MOB3B: variants seen among roughly 807,000 people sequenced by gnomAD.
MOB3B encodes the protein MOB kinase activator-like 2B.
Under a neutral mutation model 18.7 loss-of-function variants are expected in MOB3B, and 7 were observed. The ratio of observed to expected loss-of-function variants is 0.37; its 90% CI spans 0.21 to 0.70. The LOEUF is 0.70. MOB3B is among the 30% of genes least tolerant of loss of function. MOB3B has a pLI of 0.52. For missense variants in MOB3B, 253 were observed against 281.3 expected (o/e 0.90, Z 0.72); for synonymous variants, 111 against 99.9 (o/e 1.11, Z -0.66).
At chr9:27,341,533 T>G (rs1005581665) in intron 3 of MOB3B, among the ~76,000 whole-genome samples, 2 of 152,230 alleles carry the variant, frequency 1.3e-5, no homozygotes, top group Non-Finnish European at 2.9e-5. Context: ...GTTATTTTGA[T>G]GGAGTAAATA....
intron 1 of MOB3B, among the ~76,000 whole-genome samples, chr9:27,465,470 C>T (rs1207464281): frequency 6.6e-6 from 1 of 152,170 alleles, no homozygotes; most frequent in African/African-American, 2.4e-5. Context: ...GTGGCTTTTC[C>T]AGGTGCACAG....
intron 2 of MOB3B, among the ~76,000 whole-genome samples, chr9:27,426,666 T>G (rs1255021682): frequency 6.6e-6 from 1 of 152,154 alleles, no homozygotes; most frequent in East Asian, 1.9e-4. Context: ...AATCTCAGAA[T>G]AATACATGAC....
chr9:27,380,430 G>T (rs981117537), intron 2 of MOB3B, among the ~76,000 whole-genome samples: 1 of 151,928 alleles, frequency 6.6e-6, no homozygotes, highest in African/African-American at 2.4e-5. Flanking sequence ...GTAGAGACAG[G>T]TTTTCACCAT....
intron 1 of MOB3B, among the ~76,000 whole-genome samples, chr9:27,457,066 G>T (rs1450410593): frequency 6.6e-6 from 1 of 152,184 alleles, no homozygotes; most frequent in Admixed American, 6.5e-5. Context: ...TGCCTAACAA[G>T]ATCCCATAGC....
chr9:27,524,913 T>C lies in MOB3B; in HGVS notation c.-199+4642A>G, dbSNP rs564573513. On this transcript the variant is annotated intron_variant, in intron 1 of 3. Transcript: ENST00000262244. ...GATTGTCCGAGTGGAAATCAGAAGA[T>C]GTTTGTATTACTTTTACAAATTTAC... The C allele has an allele frequency of 1.2e-5, 20 of 1,609,522 alleles. No individual in the cohort carries two copies. The South Asian group carries it at 2.2e-4, about 18-fold the overall frequency.
At chr9:27,500,217 G>A (rs977931502) in intron 1 of MOB3B, among the ~76,000 whole-genome samples, 4 of 152,006 alleles carry the variant, frequency 2.6e-5, no homozygotes, top group African/African-American at 9.7e-5. Context: ...CCCTGTGCTG[G>A]GTTGGGGGGT....
intron 1 of MOB3B, among the ~76,000 whole-genome samples, chr9:27,529,000 A>G (rs1005543997): frequency 6.6e-6 from 1 of 152,128 alleles, no homozygotes; most frequent in South Asian, 2.1e-4. Flanking sequence ...CGGCCTTTAC[A>G]CGCTCCCCAC....
At chr9:27,350,235 C>CA (rs34779449) in intron 3 of MOB3B, among the ~76,000 whole-genome samples, 3,770 of 66,754 alleles carry the variant, frequency 0.056, 160 homozygotes, top group African/African-American at 0.15. Context: ...AAGTATATAC[C>CA]AAAAAAAAAA....
Position 27,455,503 on chromosome 9 carries a change from T to C in MOB3B, c.48A>G (p.Arg16=), listed in dbSNP as rs2131449829. 6.2e-7 allele frequency: 1 copy of C among 1,614,190 alleles called. No homozygotes were observed. The highest frequency in any genetic ancestry group is 8.5e-7 in the Non-Finnish European group (1 of 1,180,032). ...KQVFNKDKTF[R]PKRKFEPGTQ... Reference sequence around the variant, plus strand: ...TGCCAGGTTCAAATTTCCTCTTGGGTCGGAAGGTCTTGTCCTTGTTGAATA... The same window carrying C: ...TGCCAGGTTCAAATTTCCTCTTGGGCCGGAAGGTCTTGTCCTTGTTGAATA... Residue 16 remains arginine (R), a synonymous_variant, in exon 2 of 4, where the codon CGA becomes CGG. Coordinates refer to ENST00000262244, the MANE Select transcript of MOB3B (RefSeq NM_024761.5).
chr9:27,364,783 T>C (rs1451990806), intron 2 of MOB3B, among the ~76,000 whole-genome samples: 2 of 151,356 alleles, frequency 1.3e-5, no homozygotes, highest in African/African-American at 2.4e-5. Flanking sequence ...CTATTGTGAA[T>C]TGTTAGTTTT....
At chr9:27,420,728 G>A (rs1419478837) in intron 2 of MOB3B, among the ~76,000 whole-genome samples, 1 of 151,278 alleles carries the variant, frequency 6.6e-6, no homozygotes, top group African/African-American at 2.4e-5. Context: ...TCACTGATAT[G>A]TGGGAGCTAA....
chr9:27,444,491 T>C (rs79784893), intron 2 of MOB3B, among the ~76,000 whole-genome samples: 5,279 of 152,282 alleles, frequency 0.035, 296 homozygotes, highest in African/African-American at 0.12. Flanking sequence ...GGTACATATA[T>C]GAAAAAGTGG....
chr9:27,494,458 A>C (rs113286538), intron 1 of MOB3B, among the ~76,000 whole-genome samples: 4,855 of 152,194 alleles, frequency 0.032, 104 homozygotes, highest in Middle Eastern at 0.065. Context: ...CCCAGCTTTA[A>C]AATTTCTCTC....
chr9:27,471,147 G>A (rs1819465526), intron 1 of MOB3B, among the ~76,000 whole-genome samples: 1 of 152,120 alleles, frequency 6.6e-6, no homozygotes. Context: ...CCCCTCACCA[G>A]TGGATGTGTG....
chr9:27,471,914 G>A (rs991404265), intron 1 of MOB3B, among the ~76,000 whole-genome samples: 6 of 152,152 alleles, frequency 3.9e-5, no homozygotes, highest in African/African-American at 1.4e-4. Context: ...GTGAAGAGAG[G>A]TTAGCAGCGG....
chr9:27,397,477 TA>T (rs1390565137), intron 2 of MOB3B: 3 of 152,328 alleles, frequency 2.0e-5, no homozygotes, highest in African/African-American at 7.2e-5. Context: ...TACAGGGGAA[TA>T]AACCAATAAT....
At chr9:27,406,065 C>T (rs1375932476) in intron 2 of MOB3B, among the ~76,000 whole-genome samples, 2 of 152,116 alleles carry the variant, frequency 1.3e-5, no homozygotes, top group Non-Finnish European at 2.9e-5. Context: ...TACTGGAAGT[C>T]CTAGCCAGAA....
At chr9:27,509,282 G>C (rs1466406473) in intron 1 of MOB3B, among the ~76,000 whole-genome samples, 1 of 152,082 alleles carries the variant, frequency 6.6e-6, no homozygotes, top group Non-Finnish European at 1.5e-5. Flanking sequence ...GGAAGGAAGG[G>C]AGGAAGGAAG....
chr9:27,452,819 T>C (rs1999285), intron 2 of MOB3B, among the ~76,000 whole-genome samples: 91,646 of 152,006 alleles, frequency 0.6, 27,778 homozygotes, highest in East Asian at 0.67. Context: ...AAATGTTGAT[T>C]GTTGAACTCA....
Sources: allele counts gnomAD v4.1 joint callset (sites outside exome capture counted in the v4.1 genomes callset), GRCh38; gene constraint gnomAD v4.1.1; transcripts MANE v1.5; gene names NCBI Gene and HGNC (gene_info 2026-07-23, HGNC 2026-07-21).